The following GRID1 variants were observed in gnomAD, a reference collection of about 807,000 sequenced individuals.
GRID1 encodes glutamate receptor ionotropic, delta-1.
GRID1 carries 28 observed loss-of-function variants against 98.0 expected under a neutral mutation model. The ratio of observed to expected loss-of-function variants is 0.29; its 90% confidence interval spans 0.21 to 0.39. The LOEUF is 0.39. Ranked by LOEUF, GRID1 falls within the 10% of genes least tolerant of loss-of-function variation. The pLI is 1.00. For missense variants in GRID1, 1,111 were observed against 1,340.5 expected (o/e 0.83, Z 2.67); for synonymous variants, 553 against 538.5 (o/e 1.03, Z -0.37).
chr10:85,784,875 T>C (rs1228137514), intron 8 of GRID1, among the ~76,000 whole-genome samples: 1 of 152,216 alleles, frequency 6.6e-6, no homozygotes, highest in African/African-American at 2.4e-5. Flanking sequence ...CAAGATTCCT[T>C]TTTTTTCTCT....
intron 8 of GRID1, among the ~76,000 whole-genome samples, chr10:85,771,205 T>C (rs940467160): frequency 6.6e-6 from 1 of 152,180 alleles, no homozygotes; most frequent in African/African-American, 2.4e-5. Flanking sequence ...ACCCAGAATT[T>C]CATATCCAGC....
At chr10:86,006,292 C>T (rs766276525) in intron 4 of GRID1, among the ~76,000 whole-genome samples, 1 of 152,120 alleles carries the variant, frequency 6.6e-6, no homozygotes, top group Non-Finnish European at 1.5e-5. Context: ...CTAACTCATT[C>T]CAAACACAAA....
chr10:85,910,246 A>G (rs78888005), intron 5 of GRID1, among the ~76,000 whole-genome samples: 1 of 152,210 alleles, frequency 6.6e-6, no homozygotes, highest in South Asian at 2.1e-4. Context: ...GGAAGAAAAA[A>G]ATCTTTTCCT....
At chr10:85,650,833 T>C (rs930737558) in intron 12 of GRID1, among the ~76,000 whole-genome samples, 1 of 152,308 alleles carries the variant, frequency 6.6e-6, no homozygotes, top group East Asian at 1.9e-4. Flanking sequence ...TCTGGACACA[T>C]ACCAGGGAGC....
intron 4 of GRID1, among the ~76,000 whole-genome samples, chr10:86,027,729 T>A (rs560446698): frequency 4.6e-5 from 7 of 152,206 alleles, no homozygotes; most frequent in African/African-American, 1.7e-4. Flanking sequence ...TCCAGTCACA[T>A]ACATTGTTTG....
chr10:85,744,372 C>T (rs908689687), intron 8 of GRID1, among the ~76,000 whole-genome samples: 1 of 152,098 alleles, frequency 6.6e-6, no homozygotes, highest in South Asian at 2.1e-4. Flanking sequence ...AAAACCCACA[C>T]AATTTTTAAA....
intron 2 of GRID1, among the ~76,000 whole-genome samples, chr10:86,208,400 C>T (rs2132021218): frequency 6.6e-6 from 1 of 152,230 alleles, no homozygotes; most frequent in East Asian, 1.9e-4. Flanking sequence ...CATTGCGTGC[C>T]CTGCTGTGCC....
intron 8 of GRID1, among the ~76,000 whole-genome samples, chr10:85,794,634 C>G (rs2132745575): frequency 6.6e-6 from 1 of 152,278 alleles, no homozygotes; most frequent in South Asian, 2.1e-4. Context: ...CTCAATCTAC[C>G]TTTGATGGGG....
chr10:86,359,598 C>A (rs1848575883), intron 2 of GRID1, among the ~76,000 whole-genome samples: 1 of 152,238 alleles, frequency 6.6e-6, no homozygotes, highest in Admixed American at 6.5e-5. Flanking sequence ...GCCTCACTTG[C>A]ATGCATTCCT....
At chr10:85,807,488 A>C (rs1275200279) in intron 8 of GRID1, among the ~76,000 whole-genome samples, 1 of 152,194 alleles carries the variant, frequency 6.6e-6, no homozygotes, top group African/African-American at 2.4e-5. Context: ...TAAAATCAAA[A>C]AGTTAGAAGT....
Position 85,856,170 on chromosome 10 carries a change from A to G in GRID1, c.972T>C (p.Tyr324=). The G allele has an allele frequency of 6.2e-7, 1 of 1,614,148 alleles. No individual in the cohort carries two copies. The highest frequency in any genetic ancestry group is 8.5e-7 in the Non-Finnish European group (1 of 1,179,984). ...QMLQISNLYL[Y]DSVLMLANAF... ...CGTTGGCCAGCATCAGAACACTGTC[A>G]TACAGATAGAGGTTGGAGATCTGCA... Residue 324 remains tyrosine (Y), a synonymous_variant, in exon 7 of 16, where the codon TAT becomes TAC. Transcript: ENST00000327946.
At position 85,782,779 on chromosome 10, in the gene GRID1, T is replaced by C. The variant is rs1917156; in HGVS notation, c.1234-53165A>G. ...TGGAGCCAGGGATGTCACAGGGGACTGGGTCACATGGGCCTCAGAGACTAT... is the reference window on the plus strand; with the variant it reads ...TGGAGCCAGGGATGTCACAGGGGACCGGGTCACATGGGCCTCAGAGACTAT... On this transcript the variant is annotated intron_variant, in intron 8 of 15. Transcript: ENST00000327946. 3.7e-3 allele frequency among the ~76,000 whole-genome samples: 563 copies of C among 152,338 alleles called. 2 individuals are homozygous for C. The highest frequency in any genetic ancestry group is 0.011 in the Admixed American group (162 of 15,304).
intron 4 of GRID1, among the ~76,000 whole-genome samples, chr10:85,995,736 G>A (rs1475472455): frequency 7.9e-5 from 12 of 152,206 alleles, no homozygotes; most frequent in Admixed American, 2.0e-4. Context: ...AGCCACAAAA[G>A]TGTGCAGCAG....
Position 85,647,229 on chromosome 10 carries a change from C to T in GRID1, c.2166G>A (p.Val722=). 1 of 1,614,208 alleles carries T rather than the reference C, an allele frequency of 6.2e-7. No homozygotes were observed. Among genetic ancestry groups the T allele is most frequent in the Non-Finnish European group, 8.5e-7 (1 of 1,180,006 alleles). ...TCCTGATGCCTTCTGAAGGACTGGA[C>T]ACGCAGTTGTCAGCCCCTCCGTTCT... is the stretch of plus-strand genomic sequence containing the variant. ...ISKNGGADNC[V]SSPSEGIRKA... is the part of the protein sequence containing the mutation. Residue 722 remains valine (V), a synonymous_variant, in exon 13 of 16, where the codon GTG becomes GTA. Coordinates refer to ENST00000327946, the MANE Select transcript of GRID1 (RefSeq NM_017551.3).
chr10:86,299,607 T>C (rs1050823889), intron 2 of GRID1, among the ~76,000 whole-genome samples: 2 of 151,694 alleles, frequency 1.3e-5, no homozygotes, highest in South Asian at 2.1e-4. Flanking sequence ...TAGGAGGGAA[T>C]TGAACAATGA....
intron 8 of GRID1, among the ~76,000 whole-genome samples, chr10:85,825,330 T>C (rs1344768632): frequency 1.3e-5 from 2 of 152,214 alleles, no homozygotes; most frequent in African/African-American, 4.8e-5. Context: ...CATTTGTGTA[T>C]CTTCTTTTGA....
intron 8 of GRID1, among the ~76,000 whole-genome samples, chr10:85,763,074 A>G (rs1842161712): frequency 6.6e-6 from 1 of 152,178 alleles, no homozygotes; most frequent in South Asian, 2.1e-4. Flanking sequence ...TCAGAGCAAG[A>G]GTGACGTCCT....
intron 5 of GRID1, among the ~76,000 whole-genome samples, chr10:85,895,014 AAAATATAT>A (rs1564620734): frequency 9.2e-6 from 1 of 108,680 alleles, no homozygotes; most frequent in Non-Finnish European, 2.0e-5. Flanking sequence ...AAAAAAAAAA[AAAATATAT>A]ATATATATAT....
At chr10:86,211,516 G>A (rs11201944) in intron 2 of GRID1, among the ~76,000 whole-genome samples, 15 of 151,934 alleles carry the variant, frequency 9.9e-5, no homozygotes, top group South Asian at 2.1e-4. Flanking sequence ...GACAGCATTC[G>A]CAATACAACT....
Sources: allele counts gnomAD v4.1 joint callset (sites outside exome capture counted in the v4.1 genomes callset), GRCh38; gene constraint gnomAD v4.1.1; transcripts MANE v1.5; gene names NCBI Gene and HGNC (gene_info 2026-07-23, HGNC 2026-07-21).